NBEAL1: variants seen among roughly 807,000 people sequenced by gnomAD.
The protein encoded by NBEAL1 is neurobeachin like 1.
Under a neutral mutation model 351.3 loss-of-function variants are expected in NBEAL1, and 273 were observed. That is an observed-to-expected ratio of 0.78 (90% CI 0.70 to 0.86). The LOEUF is 0.86. NBEAL1 is among the 40% of genes least tolerant of loss of function. The probability of loss-of-function intolerance (pLI) is 0.00; values close to 1 mark genes in which losing one functional copy is unlikely to be tolerated. For missense variants in NBEAL1, 2,961 were observed against 3,201.3 expected, an observed-to-expected ratio of 0.92 and a Z score of 1.81; for synonymous variants, 1,050 against 1,086.4, an observed-to-expected ratio of 0.97 and a Z score of 0.66.
In NBEAL1 at chr2:203,126,903, A is replaced by C. The variant is rs1279198801; in HGVS notation, c.3225A>C (p.Leu1075=). 35 of 1,550,472 alleles carry C rather than the reference A, an allele frequency of 2.3e-5. No homozygotes were observed. Among genetic ancestry groups the C allele is most frequent in the Non-Finnish European group, 3.1e-5 (35 of 1,145,418 alleles). Residue 1075 remains leucine (L), a synonymous_variant, in exon 23 of 56, where the codon CTA becomes CTC. Transcript: ENST00000683969. ...AGAAGTATGGTGTGCAGTTTCTCCT[A>C]GATACACTTAGGATTTATTATGGGT... is the stretch of plus-strand genomic sequence containing the variant. ...FRKKYGVQFL[L]DTLRIYYGNG...
chr2:203,041,648 A>G (rs1017260460), intron 2 of NBEAL1, 117 bp from the exon 3 acceptor site: 12 of 682,784 alleles, frequency 1.8e-5, no homozygotes, highest in African/African-American at 3.6e-5. Flanking sequence ...ATGTACTCCT[A>G]AATATCACTT....
intron 7 of NBEAL1, among the ~76,000 whole-genome samples, chr2:203,076,169 C>A (rs564887543): frequency 2.0e-4 from 31 of 152,164 alleles, no homozygotes; most frequent in African/African-American, 6.7e-4. Flanking sequence ...ATGAATTAGG[C>A]AGGTGTATCT....
chr2:203,165,967 C>A (rs751000510), intron 36 of NBEAL1, among the ~76,000 whole-genome samples, 182 bp from the exon 37 acceptor site: 1 of 151,920 alleles, frequency 6.6e-6, no homozygotes, highest in African/African-American at 2.4e-5. Context: ...TGCTTGAGCC[C>A]AGGAGGCAGA....
At chr2:203,081,687 C>T (rs372724551) in intron 8 of NBEAL1, among the ~76,000 whole-genome samples, 2 of 152,194 alleles carry the variant, frequency 1.3e-5, no homozygotes, top group Non-Finnish European at 2.9e-5. Context: ...GTCATGCTTA[C>T]TATTCTATTT....
intron 36 of NBEAL1, among the ~76,000 whole-genome samples, chr2:203,162,203 T>G (rs1173083808): frequency 6.6e-6 from 1 of 151,690 alleles, no homozygotes; most frequent in Middle Eastern, 3.2e-3. Flanking sequence ...TTTTGTATTT[T>G]TTGTAGAGAT....
intron 53 of NBEAL1, among the ~76,000 whole-genome samples, chr2:203,209,633 C>T (rs139784495): frequency 6.6e-6 from 1 of 151,784 alleles, no homozygotes; most frequent in East Asian, 1.9e-4. Context: ...ATTCCTTTTG[C>T]ATAAGGCAGG....
chr2:203,128,999 A>G (rs561973075), intron 24 of NBEAL1, among the ~76,000 whole-genome samples: 1 of 152,262 alleles, frequency 6.6e-6, no homozygotes, highest in Admixed American at 6.5e-5. Flanking sequence ...AATCCTCAGA[A>G]CTACCCTTTA....
chr2:203,197,476 A>G (rs768981633), intron 48 of NBEAL1, 85 bp downstream of exon 48: 28 of 1,021,532 alleles, frequency 2.7e-5, no homozygotes, highest in Non-Finnish European at 3.9e-5. Flanking sequence ...ATTTTTTAAA[A>G]GCCACTTTTT....
chr2:203,088,666 T>C (rs2062011471), intron 10 of NBEAL1, among the ~76,000 whole-genome samples: 4 of 152,208 alleles, frequency 2.6e-5, no homozygotes, highest in Admixed American at 2.6e-4. Flanking sequence ...CTTGGATATA[T>C]ATTCATATTC....
intron 49 of NBEAL1, among the ~76,000 whole-genome samples, chr2:203,200,647 T>C (rs1335426444): frequency 6.6e-6 from 1 of 152,134 alleles, no homozygotes; most frequent in Non-Finnish European, 1.5e-5. Context: ...TGAGCCGAGA[T>C]TGCGCCACTG....
At chr2:203,179,961 A>G (rs1436007276) in intron 42 of NBEAL1, among the ~76,000 whole-genome samples, 1 of 152,110 alleles carries the variant, frequency 6.6e-6, no homozygotes. Context: ...TTTAGTAGCA[A>G]CGAGGTTTCA....
intron 1 of NBEAL1, among the ~76,000 whole-genome samples, chr2:203,015,522 GTGATCTGGGCTCAC>G (rs2060663649): frequency 6.6e-6 from 1 of 151,788 alleles, no homozygotes; most frequent in Admixed American, 6.6e-5. Flanking sequence ...GTGCAGTGGC[GTGATCTGGGCTCAC>G]TGCAGCCTCT....
At chr2:203,136,569 T>G in intron 28 of NBEAL1, 30 bp from the exon 29 acceptor site, 2 of 1,501,048 alleles carry the variant, frequency 1.3e-6, no homozygotes, top group Non-Finnish European at 1.8e-6. Context: ...CACCCTCTAG[T>G]TATTTAAAAT....
rs146769498 is a variant in NBEAL1, at chr2:203,220,972, G to A, written c.*3618G>A. ...TGTCATTAGCAAGGAACACCAATGA[G>A]GTTTCTTTTTTTTCTCTATTTAGGG... On this transcript the variant is annotated 3_prime_UTR_variant, in exon 56 of 56. Transcript: ENST00000683969. 4.8e-4 allele frequency among the ~76,000 whole-genome samples: 73 copies of A among 152,132 alleles called. No individual in the cohort carries two copies. The highest frequency in any genetic ancestry group is 1.7e-3 in the African/African-American group (70 of 41,514).
At position 203,223,222 on chromosome 2, in the gene NBEAL1, T is replaced by C. The variant is rs1443619423; in HGVS notation, c.*5868T>C. Reference sequence around the variant, plus strand: ...ACATTCAACAATATTTACCTTTGTCTTAATGCCCATAATCTTATGAACTGA... The same window carrying C: ...ACATTCAACAATATTTACCTTTGTCCTAATGCCCATAATCTTATGAACTGA... On this transcript the variant is annotated 3_prime_UTR_variant, in exon 56 of 56. Transcript: ENST00000683969. 1.3e-5 allele frequency among the ~76,000 whole-genome samples: 2 copies of C among 152,150 alleles called. No individual in the cohort carries two copies. Among genetic ancestry groups the C allele is most frequent in the East Asian group, 3.8e-4 (2 of 5,206 alleles).
Position 203,199,543 on chromosome 2 carries a change from TA to T in NBEAL1, c.7238+97del, listed in dbSNP as rs1378148718. On this transcript the variant is annotated intron_variant, in intron 49 of 55. Coordinates refer to ENST00000683969, the MANE Select transcript of NBEAL1 (RefSeq NM_001378026.1). ...ATTGATTCATTTATTCTGAAAGAAATATTTTTTTTTTTTTTTTTTGAGACAG... is the reference window on the plus strand; with the variant it reads ...ATTGATTCATTTATTCTGAAAGAAATTTTTTTTTTTTTTTTTTTGAGACAG... The T allele has an allele frequency of 2.3e-3, 1,387 of 599,028 alleles. 13 individuals are homozygous for T. Among genetic ancestry groups the T allele is most frequent in the African/African-American group, 0.023 (1,168 of 51,178 alleles). 37.1% of individuals were successfully genotyped at this position (599,028 alleles called of 1,614,324 possible).
At chr2:203,128,976 C>A (rs2063011288) in intron 24 of NBEAL1, among the ~76,000 whole-genome samples, 1 of 152,152 alleles carries the variant, frequency 6.6e-6, no homozygotes, top group African/African-American at 2.4e-5. Context: ...GTTTTACTTA[C>A]ATTATCCCGT....
intron 3 of NBEAL1, among the ~76,000 whole-genome samples, chr2:203,047,259 A>C (rs1044632858): frequency 1.3e-5 from 2 of 152,000 alleles, no homozygotes; most frequent in Non-Finnish European, 2.9e-5. Flanking sequence ...AAACAAACAC[A>C]TACAAGTAGA....
chr2:203,192,729 C>A (rs1022539632), intron 46 of NBEAL1, among the ~76,000 whole-genome samples: 1 of 151,938 alleles, frequency 6.6e-6, no homozygotes, highest in Non-Finnish European at 1.5e-5. Flanking sequence ...ACATCTATTG[C>A]CTATAATCAA....
Sources: allele counts gnomAD v4.1 joint callset (sites outside exome capture counted in the v4.1 genomes callset), GRCh38; gene constraint gnomAD v4.1.1; transcripts MANE v1.5; gene names NCBI Gene and HGNC (gene_info 2026-07-23, HGNC 2026-07-21).